MAGI1: variants seen among roughly 807,000 people sequenced by gnomAD.
The protein encoded by MAGI1 is membrane-associated guanylate kinase, WW and PDZ domain-containing protein 1.
Under a neutral mutation model 139.9 loss-of-function variants are expected in MAGI1, and 58 were observed. The observed-to-expected ratio is 0.41, with a 90% CI of 0.34 to 0.52. The LOEUF (loss-of-function observed/expected upper bound fraction) is 0.52. MAGI1 is among the 20% of genes least tolerant of loss of function. The pLI is 0.12. For synonymous variants in MAGI1, 812 were observed against 737.9 expected (o/e 1.10, Z -1.63); for missense variants, 1,874 against 1,901.6 (o/e 0.99, Z 0.27).
intron 1 of MAGI1, among the ~76,000 whole-genome samples, chr3:65,661,745 G>GTTTTTTTTTTTTTTTTTTTT (rs11369893): frequency 2.3e-4 from 22 of 93,910 alleles, no homozygotes; most frequent in African/African-American, 7.6e-4. Context: ...GTTTTTTTCT[G>GTTTTTTTTTTTTTTTTTTTT]TTTTTTTTTT....
chr3:65,426,227 G>T (rs1947034693), intron 12 of MAGI1, among the ~76,000 whole-genome samples: 2 of 152,144 alleles, frequency 1.3e-5, no homozygotes, highest in Admixed American at 6.5e-5. Flanking sequence ...ACACTGCACA[G>T]CAGCTCTAAG....
intron 1 of MAGI1, among the ~76,000 whole-genome samples, chr3:65,940,411 G>C (rs2063252212): frequency 6.6e-6 from 1 of 152,140 alleles, no homozygotes; most frequent in African/African-American, 2.4e-5. Flanking sequence ...ATTCTGCTGA[G>C]GACCCTCTTC....
chr3:65,973,828 T>C (rs1450630193), intron 1 of MAGI1, among the ~76,000 whole-genome samples: 1 of 152,212 alleles, frequency 6.6e-6, no homozygotes, highest in African/African-American at 2.4e-5. Context: ...TCATTTTCTT[T>C]CTTAAATTCC....
intron 1 of MAGI1, among the ~76,000 whole-genome samples, chr3:65,849,442 A>T (rs2059127754): frequency 6.7e-6 from 1 of 149,972 alleles, no homozygotes; most frequent in Non-Finnish European, 1.5e-5. Flanking sequence ...TTGCTGCACA[A>T]GTATCCTAAG....
chr3:65,687,096 A>C (rs1468538094), intron 1 of MAGI1, among the ~76,000 whole-genome samples: 3 of 152,206 alleles, frequency 2.0e-5, no homozygotes, highest in Admixed American at 1.3e-4. Context: ...TTGGGAGTTA[A>C]TTAGAAATGA....
chr3:65,447,979 T>A (rs760184780), intron 7 of MAGI1, 43 bp downstream of exon 7: 4 of 1,609,814 alleles, frequency 2.5e-6, no homozygotes, highest in African/African-American at 2.7e-5. Context: ...GCAGGCCATG[T>A]CATGCACGTG....
At chr3:65,404,830 C>A (rs1014947882) in intron 12 of MAGI1, among the ~76,000 whole-genome samples, 1 of 152,188 alleles carries the variant, frequency 6.6e-6, no homozygotes, top group African/African-American at 2.4e-5. Flanking sequence ...ACCAGCCAGG[C>A]CATAGGAAGC....
chr3:65,406,614 G>T (rs1945359625), intron 12 of MAGI1, among the ~76,000 whole-genome samples: 3 of 152,146 alleles, frequency 2.0e-5, no homozygotes. Context: ...TCCAACAAAT[G>T]CTGTGTCACT....
intron 1 of MAGI1, among the ~76,000 whole-genome samples, chr3:65,706,085 A>G (rs1171570088): frequency 6.6e-6 from 1 of 152,156 alleles, no homozygotes; most frequent in Admixed American, 6.5e-5. Context: ...AAGTTCTCCA[A>G]TTAATTTTTT....
chr3:65,382,137 A>C, intron 15 of MAGI1, 68 bp from the exon 16 acceptor site: 1 of 1,292,780 alleles, frequency 7.7e-7, no homozygotes, highest in African/African-American at 1.5e-5. Flanking sequence ...AATAGCCTTC[A>C]CATCTCTGGG....
chr3:66,015,661 T>C (rs2067596202), intron 1 of MAGI1, among the ~76,000 whole-genome samples: 1 of 152,224 alleles, frequency 6.6e-6, no homozygotes, highest in Non-Finnish European at 1.5e-5. Context: ...AGATGATATT[T>C]TTTAAATATG....
At chr3:65,511,365 G>C (rs1446520787) in intron 2 of MAGI1, among the ~76,000 whole-genome samples, 1 of 146,748 alleles carries the variant, frequency 6.8e-6, no homozygotes, top group Non-Finnish European at 1.5e-5. Flanking sequence ...CTGGCAAATT[G>C]GATAAAGAGT....
chr3:65,539,664 G>A (rs549781471), intron 2 of MAGI1, among the ~76,000 whole-genome samples: 5 of 152,132 alleles, frequency 3.3e-5, no homozygotes, highest in Non-Finnish European at 1.5e-5. Flanking sequence ...TAGACACAAA[G>A]GGAGCTGGTT....
intron 2 of MAGI1, among the ~76,000 whole-genome samples, chr3:65,509,285 T>C (rs1355021410): frequency 1.3e-5 from 2 of 152,078 alleles, no homozygotes; most frequent in African/African-American, 4.8e-5. Flanking sequence ...CATTTGGGTT[T>C]TGTTTTTGGG....
At chr3:65,670,185 T>C (rs2086767681) in intron 1 of MAGI1, among the ~76,000 whole-genome samples, 1 of 152,200 alleles carries the variant, frequency 6.6e-6, no homozygotes, top group Admixed American at 6.5e-5. Flanking sequence ...TCAGCTACTT[T>C]ATAACAAGTT....
intron 1 of MAGI1, among the ~76,000 whole-genome samples, chr3:65,638,870 G>C (rs560056068): frequency 9.2e-5 from 14 of 151,966 alleles, no homozygotes; most frequent in Non-Finnish European, 1.9e-4. Context: ...GCCTCCCAAA[G>C]TGCTGGGATT....
At position 65,379,393 on chromosome 3, in the gene MAGI1, CGCCACTGCCGAT is replaced by C. The variant is rs1942849617; in HGVS notation, c.2851_2862del (p.Ile951_Gly954del). 1.9e-6 allele frequency: 3 copies of C among 1,612,720 alleles called. No homozygotes were observed. Among genetic ancestry groups the C allele is most frequent in the Non-Finnish European group, 2.5e-6 (3 of 1,179,254 alleles). On this transcript the variant is annotated inframe_deletion, in exon 17 of 23. Transcript: ENST00000402939. ...CTGACCACGCCGCTGCCCCCGCCGC[CGCCACTGCCGAT>C]GCCGCTGGTGCTGCCGCTGCCCGAG...
At chr3:65,705,180 A>T (rs1008182163) in intron 1 of MAGI1, among the ~76,000 whole-genome samples, 2 of 152,152 alleles carry the variant, frequency 1.3e-5, no homozygotes, top group African/African-American at 4.8e-5. Flanking sequence ...AGAAAAAAAA[A>T]TTTCTAAGCT....
intron 1 of MAGI1, among the ~76,000 whole-genome samples, chr3:65,783,609 T>C (rs1344391546): frequency 6.6e-6 from 1 of 151,996 alleles, no homozygotes; most frequent in East Asian, 1.9e-4. Context: ...TCCTCCCACC[T>C]CAGCCTCCCC....
Sources: gnomAD v4.1 joint callset for allele counts (sites outside exome capture counted in the v4.1 genomes callset) on GRCh38, gnomAD v4.1.1 for gene constraint, MANE v1.5 for transcripts, NCBI Gene and HGNC (gene_info 2026-07-23, HGNC 2026-07-21) for gene names.